Variants in FSTL5 observed in about 807,000 individuals in gnomAD.
FSTL5 encodes the protein follistatin like 5.
A neutral mutation model predicts 89.1 loss-of-function variants in FSTL5; 62 were observed. The observed-to-expected ratio is 0.70, with a 90% CI of 0.57 to 0.86. FSTL5 has a LOEUF of 0.86. Ranked by LOEUF, FSTL5 falls within the 40% of genes least tolerant of loss-of-function variation. The pLI, the probability that FSTL5 is intolerant of heterozygous loss-of-function variation, is 0.00. For missense variants in FSTL5, 1,057 were observed against 1,001.6 expected (o/e 1.06, Z -0.75); for synonymous variants, 383 against 346.2 (o/e 1.11, Z -1.18).
chr4:161,977,319 TAATC>T (rs1264571023), intron 3 of FSTL5, among the ~76,000 whole-genome samples: 2 of 151,866 alleles, frequency 1.3e-5, no homozygotes, highest in Non-Finnish European at 2.9e-5. Context: ...AATTTGAAAA[TAATC>T]AATTATTGGC....
intron 4 of FSTL5, among the ~76,000 whole-genome samples, chr4:161,813,714 T>G (rs2126842402): frequency 6.6e-6 from 1 of 152,270 alleles, no homozygotes; most frequent in African/African-American, 2.4e-5. Context: ...CCTTGAAAAT[T>G]ACTGCTAGCA....
chr4:161,887,392 C>CT (rs1326576858), intron 4 of FSTL5, among the ~76,000 whole-genome samples: 3 of 133,004 alleles, frequency 2.3e-5, no homozygotes, highest in African/African-American at 8.0e-5. Flanking sequence ...CTCTATCTAT[C>CT]ATCTATCTAT....
intron 15 of FSTL5, among the ~76,000 whole-genome samples, chr4:161,443,966 C>T (rs1732862646): frequency 2.0e-5 from 3 of 151,664 alleles, no homozygotes; most frequent in Non-Finnish European, 4.4e-5. Context: ...AAAAAATCTT[C>T]TATTTTTAAA....
At chr4:161,516,369 T>TTA (rs1056078881) in intron 10 of FSTL5, among the ~76,000 whole-genome samples, 3 of 147,892 alleles carry the variant, frequency 2.0e-5, no homozygotes, top group Non-Finnish European at 4.5e-5. Flanking sequence ...GCCACTACTG[T>TTA]TATATATATA....
intron 7 of FSTL5, among the ~76,000 whole-genome samples, chr4:161,600,440 C>CTT (rs71598718): frequency 6.6e-6 from 1 of 151,444 alleles, no homozygotes; most frequent in East Asian, 1.9e-4. Context: ...AGATATATCT[C>CTT]TTTTTTTTAA....
At chr4:161,449,375 A>C (rs1733070506) in intron 15 of FSTL5, among the ~76,000 whole-genome samples, 1 of 152,182 alleles carries the variant, frequency 6.6e-6, no homozygotes, top group South Asian at 2.1e-4. Context: ...TTCTATAAAA[A>C]TATAACTCAA....
intron 3 of FSTL5, among the ~76,000 whole-genome samples, chr4:161,979,769 C>A (rs543379969): frequency 1.3e-5 from 2 of 152,044 alleles, no homozygotes; most frequent in African/African-American, 2.4e-5. Context: ...CTGCCCAAAC[C>A]TGGAATCAAC....
chr4:161,811,532 T>G (rs189608281), intron 4 of FSTL5, among the ~76,000 whole-genome samples: 2 of 152,264 alleles, frequency 1.3e-5, no homozygotes, highest in Admixed American at 1.3e-4. Context: ...AATGACTCTA[T>G]TGAGTAGGGA....
At chr4:161,460,639 C>T (rs910971063) in intron 13 of FSTL5, among the ~76,000 whole-genome samples, 5 of 152,182 alleles carry the variant, frequency 3.3e-5, no homozygotes, top group African/African-American at 1.2e-4. Context: ...TAAGGCATCT[C>T]TTTTCGAAAA....
chr4:161,948,567 C>T (rs1428213887), intron 3 of FSTL5, among the ~76,000 whole-genome samples: 5 of 145,598 alleles, frequency 3.4e-5, no homozygotes, highest in Non-Finnish European at 6.0e-5. Context: ...CCTGCCTCAG[C>T]CTCCTCAGTA....
chr4:162,006,514 G>A (rs1000573701), intron 3 of FSTL5, among the ~76,000 whole-genome samples: 2 of 151,862 alleles, frequency 1.3e-5, no homozygotes, highest in African/African-American at 4.8e-5. Flanking sequence ...ATATGTTGTT[G>A]TACAGGTAAA....
chr4:161,561,880 C>G (rs1020087792), intron 8 of FSTL5, among the ~76,000 whole-genome samples: 5 of 151,932 alleles, frequency 3.3e-5, no homozygotes, highest in Non-Finnish European at 7.4e-5. Flanking sequence ...ACTATGTAAC[C>G]TTGTAGCCCA....
At chr4:162,071,000 A>G (rs1304210431) in intron 2 of FSTL5, among the ~76,000 whole-genome samples, 1 of 151,738 alleles carries the variant, frequency 6.6e-6, no homozygotes, top group Non-Finnish European at 1.5e-5. Context: ...ACAAATGAGA[A>G]AGAGAAAGGA....
At position 161,772,911 on chromosome 4, in the gene FSTL5, A is replaced by C. The variant is rs552128951; in HGVS notation, c.606+2967T>G. ...AATGCAAGGCTAAGCAAAAAGAACA[A>C]ATCTGGAGGAATCACACTACCTGAT... is the stretch of plus-strand genomic sequence containing the variant. On this transcript the variant is annotated intron_variant, in intron 5 of 15. Coordinates refer to ENST00000306100, the MANE Select transcript of FSTL5 (RefSeq NM_020116.5). 2.2e-4 allele frequency among the ~76,000 whole-genome samples: 33 copies of C among 152,282 alleles called. No homozygotes were observed. In the South Asian group the frequency reaches 6.8e-3, roughly 32 times the overall value.
chr4:161,496,453 T>C (rs1730071658), intron 12 of FSTL5, among the ~76,000 whole-genome samples: 1 of 152,182 alleles, frequency 6.6e-6, no homozygotes. Flanking sequence ...GTTTATGGGC[T>C]TCCTCTAATC....
chr4:161,412,755 A>C (rs1731636715), intron 15 of FSTL5, among the ~76,000 whole-genome samples: 1 of 152,194 alleles, frequency 6.6e-6, no homozygotes, highest in South Asian at 2.1e-4. Context: ...ATTCAGAAAT[A>C]AACCTACACT....
At chr4:161,904,061 G>A (rs1441919769) in intron 4 of FSTL5, among the ~76,000 whole-genome samples, 1 of 151,696 alleles carries the variant, frequency 6.6e-6, no homozygotes. Flanking sequence ...AGCCATACAT[G>A]GAGGAAAATA....
At chr4:161,748,768 T>A (rs1337463248) in intron 6 of FSTL5, among the ~76,000 whole-genome samples, 1 of 152,072 alleles carries the variant, frequency 6.6e-6, no homozygotes, top group Admixed American at 6.6e-5. Flanking sequence ...GTACTAACTA[T>A]GGACAGAAGA....
chr4:161,945,625 A>C (rs1285825797), intron 3 of FSTL5, among the ~76,000 whole-genome samples: 1 of 152,066 alleles, frequency 6.6e-6, no homozygotes, highest in Non-Finnish European at 1.5e-5. Flanking sequence ...AGTGGCATGC[A>C]CTTGTAGTCC....
Sources: gnomAD v4.1 joint callset for allele counts (sites outside exome capture counted in the v4.1 genomes callset) on GRCh38, gnomAD v4.1.1 for gene constraint, MANE v1.5 for transcripts, NCBI Gene and HGNC (gene_info 2026-07-23, HGNC 2026-07-21) for gene names.